The following CFAP47 variants were observed in gnomAD, a reference collection of about 807,000 sequenced individuals.
The protein encoded by CFAP47 is cilia- and flagella-associated protein 47.
Under a neutral mutation model 148.1 loss-of-function variants are expected in CFAP47, and 29 were observed. The ratio of observed to expected loss-of-function variants is 0.20; its 90% confidence interval spans 0.15 to 0.27. The LOEUF (loss-of-function observed/expected upper bound fraction) is 0.27, where lower values mean the gene tolerates loss of function less well. Ranked by LOEUF, CFAP47 falls within the 10% of genes least tolerant of loss-of-function variation. The pLI is 1.00. For synonymous variants in CFAP47, 664 were observed against 577.3 expected (o/e 1.15, Z -2.15); for missense variants, 1,872 against 1,697.5 (o/e 1.10, Z -1.81).
chrX:36,242,931 A>G (rs1414914241), intron 48 of CFAP47, among the ~76,000 whole-genome samples: 3 of 111,586 alleles, frequency 2.7e-5, no homozygotes, highest in African/African-American at 9.8e-5. Flanking sequence ...AGGTAAAGTG[A>G]AAGGTTAGGG....
chrX:36,031,941 T>G (rs1418873768), intron 23 of CFAP47, among the ~76,000 whole-genome samples: 3 of 110,559 alleles, frequency 2.7e-5, no homozygotes, highest in Non-Finnish European at 5.7e-5. Context: ...TTTATAGCAT[T>G]GAAGAAAAAT....
rs1375075622 is a variant in CFAP47 at position 36,065,751 on chromosome X, A to G, written c.4318+8A>G. 1 of 1,016,920 alleles carries G rather than the reference A, an allele frequency of 9.8e-7. No homozygotes were observed. Among genetic ancestry groups the G allele is most frequent in the Admixed American group, 2.3e-5 (1 of 42,728 alleles). 83.8% of individuals were successfully genotyped at this position (1,016,920 alleles called of 1,213,427 possible). A position where few individuals can be genotyped will look rare whatever the true frequency, so the allele number is the denominator to read the frequency against. Reference sequence around the variant, plus strand: ...ACATTATTTTAAAGAATGGTAAGCTATGTATGACTTATTTATCCCTAACTC... The same window carrying G: ...ACATTATTTTAAAGAATGGTAAGCTGTGTATGACTTATTTATCCCTAACTC... On this transcript the variant is annotated splice_region_variant and intron_variant, in intron 27 of 63. Coordinates refer to ENST00000378653, the MANE Select transcript of CFAP47 (RefSeq NM_001304548.2).
intron 37 of CFAP47, 110 bp downstream of exon 37, chrX:36,149,333 C>T (rs1027358756): frequency 9.7e-5 from 26 of 267,943 alleles, no homozygotes; most frequent in African/African-American, 3.7e-4. Flanking sequence ...TTTAATGAAA[C>T]GATTGTCACT....
intron 33 of CFAP47, among the ~76,000 whole-genome samples, chrX:36,130,478 A>G (rs755056944): frequency 5.3e-4 from 59 of 111,053 alleles, no homozygotes; most frequent in Non-Finnish European, 1.0e-3. Flanking sequence ...TGTTGGGGGG[A>G]ATGTAAATTA....
chrX:36,319,240 T>A lies in CFAP47; in HGVS notation c.8376T>A (p.Asp2792Glu). 1 of 1,127,822 alleles carries A rather than the reference T, an allele frequency of 8.9e-7. No homozygotes were observed. Among genetic ancestry groups the A allele is most frequent in the Non-Finnish European group, 1.2e-6 (1 of 846,495 alleles). 92.9% of individuals were successfully genotyped at this position (1,127,822 alleles called of 1,213,427 possible). A position where few individuals can be genotyped will look rare whatever the true frequency, so the allele number is the denominator to read the frequency against. The change falls in exon 57 of 64, where the codon GAT (aspartate) becomes GAA (glutamate). Residue 2792 changes from aspartate to glutamate, a missense_variant. Physicochemically the swap from Asp to Glu is conservative, Grantham distance 45. Transcript: ENST00000378653. The part of the protein sequence containing the change: ...SVEHPRNLVM[D>E]HCWDSFIYES... ...AACATCCCAGGAATCTTGTCATGGA[T>A]CATTGCTGGGATAGCTTCATCTATG... is the stretch of plus-strand genomic sequence containing the variant.
At chrX:36,328,441 A>G (rs1487577396) in intron 57 of CFAP47, among the ~76,000 whole-genome samples, 1 of 112,333 alleles carries the variant, frequency 8.9e-6, no homozygotes. Flanking sequence ...GCTTTTTTGT[A>G]GATATTGAAA....
In CFAP47 at chrX:36,128,123, A is replaced by G. The variant is rs1279429125; in HGVS notation, c.5321-9835A>G. On this transcript the variant is annotated intron_variant, in intron 33 of 63. Coordinates refer to ENST00000378653, the MANE Select transcript of CFAP47 (RefSeq NM_001304548.2). Reference sequence around the variant, plus strand: ...CTGATTTCCCTGGCCAGAACTTCCAATACTATGTTGAATAGGAGTGGTGAG... The same window carrying G: ...CTGATTTCCCTGGCCAGAACTTCCAGTACTATGTTGAATAGGAGTGGTGAG... Among the ~76,000 whole-genome samples, 17 of 110,972 alleles carry G rather than the reference A, an allele frequency of 1.5e-4. No homozygotes were observed. The Admixed American group carries it at 1.6e-3, about 11-fold the overall frequency.
chrX:36,171,167 G>A (rs1265028924), intron 39 of CFAP47, among the ~76,000 whole-genome samples: 1 of 106,762 alleles, frequency 9.4e-6, no homozygotes, highest in Non-Finnish European at 1.9e-5. Context: ...TTGTAAATTT[G>A]TTTGAGTTCA....
chrX:35,924,200 T>C (rs903455086), intron 1 of CFAP47, among the ~76,000 whole-genome samples: 14 of 105,940 alleles, frequency 1.3e-4, no homozygotes, highest in South Asian at 4.0e-4. Context: ...TGTGTATATA[T>C]GGACATGTAT....
At chrX:35,924,091 G>A (rs1319248370) in intron 1 of CFAP47, among the ~76,000 whole-genome samples, 1 of 95,342 alleles carries the variant, frequency 1.0e-5, no homozygotes, top group East Asian at 3.5e-4. Context: ...ACATGTATGC[G>A]TACATATATG....
chrX:36,130,477 G>A (rs1404158526), intron 33 of CFAP47, among the ~76,000 whole-genome samples: 2 of 111,043 alleles, frequency 1.8e-5, no homozygotes, highest in African/African-American at 6.5e-5. Context: ...CTGTTGGGGG[G>A]AATGTAAATT....
intron 30 of CFAP47, among the ~76,000 whole-genome samples, chrX:36,094,863 T>C (rs868840828): frequency 9.8e-4 from 109 of 111,246 alleles, no homozygotes; most frequent in African/African-American, 3.5e-3. Context: ...GTATGCTCCT[T>C]ATTTTTTATC....
At chrX:36,050,106 G>T (rs1569242608) in intron 26 of CFAP47, among the ~76,000 whole-genome samples, 3 of 111,318 alleles carry the variant, frequency 2.7e-5, no homozygotes, top group Non-Finnish European at 5.7e-5. Flanking sequence ...TTCATAAATT[G>T]CCCCATGTTG....
At chrX:36,311,161 A>C (rs1021976686) in intron 56 of CFAP47, among the ~76,000 whole-genome samples, 172 bp downstream of exon 56, 1 of 111,428 alleles carries the variant, frequency 9.0e-6, no homozygotes, top group Non-Finnish European at 1.9e-5. Context: ...GGCTGAAATC[A>C]CAGCTCATAA....
At chrX:35,960,380 G>GA (rs1188987905) in intron 8 of CFAP47, among the ~76,000 whole-genome samples, 346 of 15,454 alleles carry the variant, frequency 0.022, 56 homozygotes, top group East Asian at 0.13. Context: ...GCTAATTTCT[G>GA]AAAAAAAAAA....
intron 34 of CFAP47, 136 bp downstream of exon 34, chrX:36,138,191 A>G (rs915441886): frequency 1.7e-5 from 10 of 584,362 alleles, no homozygotes; most frequent in Non-Finnish European, 2.5e-5. Context: ...CTGCATGGCC[A>G]GCACTACCTT....
At chrX:36,184,869 G>T (rs1299167170) in intron 40 of CFAP47, among the ~76,000 whole-genome samples, 1 of 109,804 alleles carries the variant, frequency 9.1e-6, no homozygotes, top group African/African-American at 3.3e-5. Context: ...GGAGGCGGAG[G>T]TTGCAGTGGG....
At chrX:36,154,572 G>A (rs1416163848) in intron 37 of CFAP47, among the ~76,000 whole-genome samples, 4 of 112,213 alleles carry the variant, frequency 3.6e-5, no homozygotes, top group African/African-American at 9.7e-5. Context: ...TAATTTCTGA[G>A]AATGTTCAAG....
intron 25 of CFAP47, among the ~76,000 whole-genome samples, chrX:36,041,875 G>A (rs749200410): frequency 1.2e-4 from 11 of 93,623 alleles, no homozygotes; most frequent in African/African-American, 4.1e-4. Flanking sequence ...GCAGTGAGCC[G>A]AAATTGCGCC....
Sources: allele counts gnomAD v4.1 joint callset (sites outside exome capture counted in the v4.1 genomes callset), GRCh38; gene constraint gnomAD v4.1.1; transcripts MANE v1.5; gene names NCBI Gene and HGNC (gene_info 2026-07-23, HGNC 2026-07-21).